ADGB: variants seen among roughly 807,000 people sequenced by gnomAD.
The protein encoded by ADGB is androglobin, also known as calpain-7-like protein.
In ADGB, 172 loss-of-function variants were observed where a neutral mutation model predicts 210.5. That is an observed-to-expected ratio of 0.82 (90% CI 0.72 to 0.93). The LOEUF (loss-of-function observed/expected upper bound fraction) is 0.93, where lower values mean the gene tolerates loss of function less well. ADGB is among the 40% of genes least tolerant of loss of function. ADGB has a pLI of 0.00. For synonymous variants in ADGB, 658 were observed against 662.7 expected (o/e 0.99, Z 0.11); for missense variants, 2,025 against 1,964.8 (o/e 1.03, Z -0.58).
At chr6:146,808,939 G>T (rs1449305337) in intron 35 of ADGB, among the ~76,000 whole-genome samples, 3 of 151,950 alleles carry the variant, frequency 2.0e-5, no homozygotes, top group Admixed American at 2.0e-4. Flanking sequence ...GGGACCAAGT[G>T]GCCATTGCGA....
At chr6:146,600,924 GCGCA>G (rs749908423) in intron 1 of ADGB, among the ~76,000 whole-genome samples, 486 of 47,554 alleles carry the variant, frequency 0.01, 4 homozygotes, top group South Asian at 0.067. Context: ...CCTCCCCCAT[GCGCA>G]CACACACACA....
intron 11 of ADGB, 65 bp from the exon 12 acceptor site, chr6:146,692,760 T>G (rs1776348167): frequency 1.2e-6 from 1 of 838,328 alleles, no homozygotes; most frequent in Admixed American, 2.7e-5. Context: ...AAATGTTAAA[T>G]TCTGTATGCA....
Position 146,612,787 on chromosome 6 carries a change from A to G in ADGB, c.74+13673A>G, listed in dbSNP as rs530891424. On this transcript the variant is annotated intron_variant, in intron 1 of 35. Transcript: ENST00000397944. ...AGACAGGGAGAGAGGGAGAGAGAGA[A>G]AAAGAGAGAGAATGCTCTCAGCAAT... Among the ~76,000 whole-genome samples, 16 of 152,276 alleles carry G rather than the reference A, an allele frequency of 1.1e-4. No homozygotes were observed. The South Asian group carries it at 3.1e-3, about 30-fold the overall frequency.
chr6:146,738,874 T>G (rs1042038988), intron 23 of ADGB, among the ~76,000 whole-genome samples: 9 of 152,170 alleles, frequency 5.9e-5, no homozygotes, highest in African/African-American at 2.2e-4. Context: ...AATCTGTGGG[T>G]GAGATCTTGC....
At position 146,769,045 on chromosome 6, in the gene ADGB, C is replaced by T. The variant is rs775778822; in HGVS notation, c.3776C>T (p.Ser1259Leu). ...AATTACAAGTATATTATACAGTGTTCGGTGTTGTATAACAGTTGGCCTCTC... is the reference window on the plus strand; with the variant it reads ...AATTACAAGTATATTATACAGTGTTTGGTGTTGTATAACAGTTGGCCTCTC... The part of the protein sequence containing the change: ...LQNYKYIIQC[S>L]VLYNSWPLTE... Residue 1259 changes from serine to leucine, a missense_variant, in exon 29 of 36, where the codon TCG (serine) becomes TTG (leucine). Ser to Leu is a moderately radical substitution (Grantham distance 145). Coordinates refer to ENST00000397944, the MANE Select transcript of ADGB (RefSeq NM_024694.4). 2.0e-5 allele frequency: 31 copies of T among 1,523,230 alleles called. No homozygotes were observed. Among genetic ancestry groups the T allele is most frequent in the Middle Eastern group, 2.1e-4 (1 of 4,866 alleles). The allele number at this position is 1,523,230 out of a possible 1,614,324, so 94.4% of individuals were successfully genotyped here. A position where few individuals can be genotyped will look rare whatever the true frequency, so the allele number is the denominator to read the frequency against.
chr6:146,727,651 G>A (rs907319301), intron 19 of ADGB, among the ~76,000 whole-genome samples: 1 of 152,156 alleles, frequency 6.6e-6, no homozygotes, highest in Non-Finnish European at 1.5e-5. Context: ...AGTCCAAGAA[G>A]CAAAAGAGAA....
At chr6:146,636,364 T>C (rs1363515813) in intron 2 of ADGB, among the ~76,000 whole-genome samples, 10 of 152,054 alleles carry the variant, frequency 6.6e-5, no homozygotes, top group African/African-American at 2.4e-4. Flanking sequence ...AATTGCATGA[T>C]TCATATTGGT....
At chr6:146,630,588 A>G (rs1781050089) in intron 1 of ADGB, among the ~76,000 whole-genome samples, 1 of 152,122 alleles carries the variant, frequency 6.6e-6, no homozygotes, top group Admixed American at 6.6e-5. Flanking sequence ...AAGGATCTTC[A>G]GGATCCAGAA....
chr6:146,700,189 A>T (rs1030851609), intron 12 of ADGB, among the ~76,000 whole-genome samples: 1 of 152,210 alleles, frequency 6.6e-6, no homozygotes, highest in Non-Finnish European at 1.5e-5. Flanking sequence ...TTTCTGTCTT[A>T]GGAACACTGT....
At chr6:146,793,164 T>G (rs755092032) in intron 33 of ADGB, among the ~76,000 whole-genome samples, 2 of 152,206 alleles carry the variant, frequency 1.3e-5, no homozygotes, top group African/African-American at 4.8e-5. Context: ...TGGCTACTTT[T>G]AGACTCCTGA....
At chr6:146,787,322 C>T (rs1364997725) in intron 32 of ADGB, among the ~76,000 whole-genome samples, 3 of 152,132 alleles carry the variant, frequency 2.0e-5, no homozygotes, top group Non-Finnish European at 2.9e-5. Context: ...CAAGTCATTT[C>T]CTCCCTCAAG....
intron 28 of ADGB, among the ~76,000 whole-genome samples, chr6:146,766,027 C>G (rs751793398): frequency 1.3e-5 from 2 of 151,784 alleles, no homozygotes; most frequent in African/African-American, 2.4e-5. Flanking sequence ...AAATACAGAA[C>G]AAAAAATTAG....
At chr6:146,728,344 C>A (rs1203223524) in intron 19 of ADGB, among the ~76,000 whole-genome samples, 1 of 152,110 alleles carries the variant, frequency 6.6e-6, no homozygotes, top group Non-Finnish European at 1.5e-5. Context: ...TTTACGTGAT[C>A]CCCAATATGA....
At chr6:146,775,257 G>A (rs1777705799) in intron 29 of ADGB, among the ~76,000 whole-genome samples, 1 of 151,670 alleles carries the variant, frequency 6.6e-6, no homozygotes, top group Non-Finnish European at 1.5e-5. Context: ...GTAATTTGTG[G>A]GGTTTTTTTC....
chr6:146,668,928 T>C (rs946956300), intron 7 of ADGB, among the ~76,000 whole-genome samples: 1 of 152,118 alleles, frequency 6.6e-6, no homozygotes, highest in African/African-American at 2.4e-5. Flanking sequence ...ATGGTCTCTC[T>C]GTGAACATAG....
intron 33 of ADGB, among the ~76,000 whole-genome samples, chr6:146,794,199 G>C (rs2114656912): frequency 6.6e-6 from 1 of 152,280 alleles, no homozygotes; most frequent in East Asian, 1.9e-4. Context: ...TTTGTAAGGA[G>C]GCAGATATAG....
At chr6:146,766,881 ATTC>A (rs1223965561) in intron 28 of ADGB, among the ~76,000 whole-genome samples, 2 of 152,202 alleles carry the variant, frequency 1.3e-5, no homozygotes, top group Non-Finnish European at 2.9e-5. Context: ...ATCAGACAGA[ATTC>A]TTCTCAGAAA....
chr6:146,773,084 T>C (rs188360106), intron 29 of ADGB, among the ~76,000 whole-genome samples: 1 of 152,238 alleles, frequency 6.6e-6, no homozygotes, highest in East Asian at 1.9e-4. Flanking sequence ...TAGCTCACTA[T>C]TCAAGGCCAT....
chr6:146,695,292 G>T (rs1258761060), intron 12 of ADGB, among the ~76,000 whole-genome samples: 2 of 151,990 alleles, frequency 1.3e-5, no homozygotes, highest in Non-Finnish European at 2.9e-5. Context: ...AAATTTGTTT[G>T]TAATTTTCTG....
Sources: allele counts gnomAD v4.1 joint callset (sites outside exome capture counted in the v4.1 genomes callset), GRCh38; gene constraint gnomAD v4.1.1; transcripts MANE v1.5; gene names NCBI Gene and HGNC (gene_info 2026-07-23, HGNC 2026-07-21).